The following OAF variants were observed in gnomAD, a reference collection of about 807,000 sequenced individuals.
OAF encodes the protein out at first protein homolog.
A neutral mutation model predicts 22.5 loss-of-function variants in OAF; 13 were observed. The observed-to-expected ratio is 0.58, with a 90% CI of 0.38 to 0.92. OAF has a LOEUF of 0.92. OAF is among the 40% of genes least tolerant of loss of function. OAF has a pLI of 0.00. For missense variants in OAF, 347 were observed against 381.8 expected (o/e 0.91, Z 0.76); for synonymous variants, 175 against 170.5 (o/e 1.03, Z -0.21).
At chr11:120,220,225 A>G (rs1170975512) in intron 1 of OAF, among the ~76,000 whole-genome samples, 2 of 151,864 alleles carry the variant, frequency 1.3e-5, no homozygotes, top group East Asian at 3.9e-4. Context: ...GCTCAAACCC[A>G]CCAGTGACTT....
chr11:120,225,428 CT>C (rs1189537451), intron 1 of OAF, among the ~76,000 whole-genome samples: 1 of 152,154 alleles, frequency 6.6e-6, no homozygotes, highest in Non-Finnish European at 1.5e-5. Flanking sequence ...GGGAAAAACT[CT>C]AGTGGTTCAC....
intron 1 of OAF, among the ~76,000 whole-genome samples, chr11:120,220,937 G>C (rs1452707492): frequency 1.3e-5 from 2 of 152,178 alleles, no homozygotes; most frequent in African/African-American, 2.4e-5. Context: ...ATGATTGGGT[G>C]GGGGCACTGG....
chr11:120,229,525 A>C lies in OAF; in HGVS notation c.*383A>C, dbSNP rs1591361906. 1 of 205,132 alleles carries C rather than the reference A, an allele frequency of 4.9e-6. No homozygotes were observed. Among genetic ancestry groups the C allele is most frequent in the South Asian group, 1.0e-4 (1 of 9,912 alleles). The allele number at this position is 205,132 out of a possible 1,614,324, so 12.7% of individuals were successfully genotyped here. A position where few individuals can be genotyped will look rare whatever the true frequency, so the allele number is the denominator to read the frequency against. The stretch of plus-strand genomic sequence containing the variant: ...AAAAGGAGTCTATACCTGGACACCC[A>C]CCTCCCCAGACACAACTCCCTTCCC... On this transcript the variant is annotated 3_prime_UTR_variant, in exon 4 of 4. Coordinates refer to ENST00000328965, the MANE Select transcript of OAF (RefSeq NM_178507.4).
intron 3 of OAF, among the ~76,000 whole-genome samples, chr11:120,228,562 G>A (rs1452538708): frequency 1.3e-5 from 2 of 152,170 alleles, no homozygotes; most frequent in African/African-American, 2.4e-5. Flanking sequence ...CACTAAAACA[G>A]GGATGACGAT....
rs999691533 is a variant in OAF, at chr11:120,229,772, C to T, written c.*630C>T. 3.3e-5 allele frequency: 5 copies of T among 152,834 alleles called. No individual in the cohort carries two copies. Among genetic ancestry groups the T allele is most frequent in the African/African-American group, 7.2e-5 (3 of 41,448 alleles). The allele number at this position is 152,834 out of a possible 1,614,324, so 9.5% of individuals were successfully genotyped here. A position where few individuals can be genotyped will look rare whatever the true frequency, so the allele number is the denominator to read the frequency against. ...CACGAGTGCCTTTCCCGGACCTGGA[C>T]GTTGCCTCCAGAGCAGGCACCAGCT... is the stretch of plus-strand genomic sequence containing the variant. On this transcript the variant is annotated 3_prime_UTR_variant, in exon 4 of 4. Coordinates refer to ENST00000328965, the MANE Select transcript of OAF (RefSeq NM_178507.4).
intron 1 of OAF, among the ~76,000 whole-genome samples, chr11:120,212,885 C>T (rs116443890): frequency 0.015 from 2,214 of 148,084 alleles, 56 homozygotes; most frequent in African/African-American, 0.053. Flanking sequence ...ATCCTTACTC[C>T]GCAGGCCTAA....
chr11:120,215,007 A>G (rs1349238927), intron 1 of OAF, among the ~76,000 whole-genome samples: 2 of 152,144 alleles, frequency 1.3e-5, no homozygotes, highest in Non-Finnish European at 2.9e-5. Flanking sequence ...ACACCCTACC[A>G]GTGAAATCAG....
In OAF at chr11:120,229,921, A is replaced by G. The variant is rs1938415565; in HGVS notation, c.*779A>G. ...TATTTATCATTTCTACCAGAAATAA[A>G]CGTTTTAAGTTTTTACTTGACTAAT... On this transcript the variant is annotated 3_prime_UTR_variant, in exon 4 of 4. Transcript: ENST00000328965. The G allele has an allele frequency of 6.6e-6, 1 of 152,548 alleles. No individual in the cohort carries two copies. The highest frequency in any genetic ancestry group is 6.5e-5 in the Admixed American group (1 of 15,270). 9.4% of individuals were successfully genotyped at this position (152,548 alleles called of 1,614,324 possible).
chr11:120,214,401 C>T (rs546163854), intron 1 of OAF, among the ~76,000 whole-genome samples: 11 of 152,334 alleles, frequency 7.2e-5, no homozygotes, highest in African/African-American at 2.6e-4. Context: ...AGCAAGGATC[C>T]TCTCTGCTAA....
At position 120,211,185 on chromosome 11, in the gene OAF, C is replaced by G; in HGVS notation, c.-95C>G. On this transcript the variant is annotated 5_prime_UTR_variant, in exon 1 of 4. Transcript: ENST00000328965. ...CCCCGGCGGAGCGGCTCCCGGGCGC[C>G]CCGAACTAGCCCCCAACTTTGGGCG... The G allele has an allele frequency of 1.3e-6, 1 of 749,106 alleles. No individual in the cohort carries two copies. The highest frequency in any genetic ancestry group is 1.7e-6 in the Non-Finnish European group (1 of 573,406). The allele number at this position is 749,106 out of a possible 1,614,324, so 46.4% of individuals were successfully genotyped here.
chr11:120,226,740 G>A, intron 2 of OAF, 76 bp from the exon 3 acceptor site: 1 of 1,405,026 alleles, frequency 7.1e-7, no homozygotes, highest in Non-Finnish European at 9.8e-7. Context: ...GGGCTCGCCT[G>A]ACTCTGGAGG....
chr11:120,216,903 C>T (rs143009844), intron 1 of OAF, among the ~76,000 whole-genome samples: 1 of 152,346 alleles, frequency 6.6e-6, no homozygotes, highest in African/African-American at 2.4e-5. Flanking sequence ...AGCAGTCCCT[C>T]ATGTCACACA....
At chr11:120,213,370 A>G (rs1186185813) in intron 1 of OAF, among the ~76,000 whole-genome samples, 5 of 152,022 alleles carry the variant, frequency 3.3e-5, no homozygotes, top group Non-Finnish European at 5.9e-5. Context: ...CCTCATTTGA[A>G]TCTCTACAGT....
In OAF at chr11:120,211,365, C is replaced by A; in HGVS notation, c.86C>A (p.Pro29Gln). ...LLAPLLGTGA[P>Q]AELRVRVRLP... ...GCGCCGCTGCTGGGAACGGGTGCGCCGGCCGAGCTGCGGGTCCGCGTGCGG... is the reference window on the plus strand; with the variant it reads ...GCGCCGCTGCTGGGAACGGGTGCGCAGGCCGAGCTGCGGGTCCGCGTGCGG... The change falls in exon 1 of 4, where the codon CCG becomes CAG. Residue 29 changes from proline (P) to glutamine (Q), a missense_variant. Physicochemically the swap from Pro to Gln is moderately conservative, Grantham distance 76. Coordinates refer to ENST00000328965, the MANE Select transcript of OAF (RefSeq NM_178507.4). 1 of 1,447,296 alleles carries A rather than the reference C, an allele frequency of 6.9e-7. No homozygotes were observed. The allele number at this position is 1,447,296 out of a possible 1,614,324, so 89.7% of individuals were successfully genotyped here. A position where few individuals can be genotyped will look rare whatever the true frequency, so the allele number is the denominator to read the frequency against.
At chr11:120,226,691 C>T in intron 2 of OAF, 125 bp from the exon 3 acceptor site, 1 of 799,888 alleles carries the variant, frequency 1.3e-6, no homozygotes, top group Non-Finnish European at 2.0e-6. Context: ...GGGGCTGCCA[C>T]CCTGCAGATG....
At chr11:120,215,574 C>T (rs116665253) in intron 1 of OAF, among the ~76,000 whole-genome samples, 1,636 of 152,296 alleles carry the variant, frequency 0.011, 30 homozygotes, top group African/African-American at 0.037. Context: ...TAATTCACAG[C>T]GCGCCCTTGG....
intron 1 of OAF, among the ~76,000 whole-genome samples, chr11:120,216,209 A>G (rs1394129662): frequency 6.6e-6 from 1 of 152,114 alleles, no homozygotes; most frequent in African/African-American, 2.4e-5. Flanking sequence ...GGGGAGCAAC[A>G]TGGGAAGCCT....
chr11:120,225,285 A>AGAG (rs568716300), intron 1 of OAF, among the ~76,000 whole-genome samples: 232 of 152,176 alleles, frequency 1.5e-3, no homozygotes, highest in African/African-American at 5.4e-3. Context: ...AAAAAAAAAA[A>AGAG]AGAGGAACTC....
intron 3 of OAF, 50 bp downstream of exon 3, chr11:120,227,046 A>C (rs1938369854): frequency 7.1e-7 from 1 of 1,407,544 alleles, no homozygotes; most frequent in African/African-American, 1.4e-5. Flanking sequence ...GGAAGGGGAC[A>C]GGGAGACAGC....
Sources: allele counts gnomAD v4.1 joint callset (sites outside exome capture counted in the v4.1 genomes callset), GRCh38; gene constraint gnomAD v4.1.1; transcripts MANE v1.5; gene names NCBI Gene and HGNC (gene_info 2026-07-23, HGNC 2026-07-21).